PCDH15: variants seen among roughly 807,000 people sequenced by gnomAD.
PCDH15 encodes the protein protocadherin related 15.
A neutral mutation model predicts 178.5 loss-of-function variants in PCDH15; 129 were observed. That is an observed-to-expected ratio of 0.72 (90% CI 0.63 to 0.84). The LOEUF is 0.84. Among genes scored for constraint, PCDH15 ranks in the 40% least tolerant of loss-of-function variants. PCDH15 has a pLI of 0.00. For synonymous variants in PCDH15, 800 were observed against 732.0 expected (o/e 1.09, Z -1.50); for missense variants, 2,230 against 2,099.9 (o/e 1.06, Z -1.21).
At chr10:54,720,472 A>G (rs1357508498) in intron 1 of PCDH15, among the ~76,000 whole-genome samples, 3 of 151,808 alleles carry the variant, frequency 2.0e-5, no homozygotes, top group Non-Finnish European at 4.4e-5. Context: ...TTTCAGCAGA[A>G]AATCTACAAG....
intron 25 of PCDH15, among the ~76,000 whole-genome samples, chr10:53,914,468 C>T (rs1009993903): frequency 6.6e-6 from 1 of 152,134 alleles, no homozygotes; most frequent in African/African-American, 2.4e-5. Context: ...TTTGGAGGGA[C>T]ATGGATGAAG....
chr10:54,421,711 C>A (rs1212527758), intron 3 of PCDH15, among the ~76,000 whole-genome samples: 4 of 121,736 alleles, frequency 3.3e-5, no homozygotes, highest in East Asian at 4.2e-4. Context: ...CACACACACA[C>A]TATATATATT....
intron 2 of PCDH15, among the ~76,000 whole-genome samples, chr10:55,501,705 T>C (rs1265245412): frequency 2.0e-5 from 3 of 151,792 alleles, no homozygotes; most frequent in Non-Finnish European, 2.9e-5. Context: ...GGAGTAGTTA[T>C]GTCATTTGTG....
At chr10:55,519,622 T>G (rs536018507) in intron 2 of PCDH15, among the ~76,000 whole-genome samples, 2 of 152,042 alleles carry the variant, frequency 1.3e-5, no homozygotes, top group African/African-American at 2.4e-5. Flanking sequence ...TTTACAAACA[T>G]ATAATTAACT....
intron 3 of PCDH15, among the ~76,000 whole-genome samples, chr10:54,429,320 G>GA (rs1000427979): frequency 2.2e-4 from 34 of 151,916 alleles, no homozygotes; most frequent in Non-Finnish European, 3.5e-4. Context: ...ACCTCAAATT[G>GA]AAAAAATTAC....
intron 3 of PCDH15, among the ~76,000 whole-genome samples, chr10:54,399,747 A>C (rs1413483361): frequency 1.3e-5 from 2 of 152,052 alleles, no homozygotes; most frequent in Non-Finnish European, 2.9e-5. Context: ...CAGCAGTAAG[A>C]CGCTGGGCTG....
rs1483424961 is a variant in PCDH15, at chr10:54,855,125, C to A, written c.-29+42325G>T. ...CTCGGGCCTGACTTTACTCCAAGAA[C>A]AAAGCAAGTACCAACAGCAGGGAGA... On this transcript the variant is annotated intron_variant, in intron 3 of 5. Coordinates refer to the PCDH15 transcript ENST00000458638. Among the ~76,000 whole-genome samples, 3 of 152,316 alleles carry A rather than the reference C, an allele frequency of 2.0e-5. No homozygotes were observed. The East Asian group carries it at 5.8e-4, about 29-fold the overall frequency.
At chr10:54,293,822 A>G (rs957398742) in intron 8 of PCDH15, among the ~76,000 whole-genome samples, 2 of 152,134 alleles carry the variant, frequency 1.3e-5, no homozygotes, top group Admixed American at 6.5e-5. Context: ...GAAACAACAG[A>G]TGCTGGAGAG....
chr10:55,472,465 CTTTTTT>C (rs71014493), intron 2 of PCDH15, among the ~76,000 whole-genome samples: 1 of 99,768 alleles, frequency 1.0e-5, no homozygotes, highest in Admixed American at 1.1e-4. Context: ...TTTGAATTAG[CTTTTTT>C]TTTTTTTTTT....
chr10:54,582,147 C>G (rs553648948), intron 2 of PCDH15, among the ~76,000 whole-genome samples: 2 of 152,076 alleles, frequency 1.3e-5, no homozygotes, highest in Admixed American at 6.6e-5. Context: ...AAATAGATAA[C>G]CTGCAGAATG....
intron 1 of PCDH15, among the ~76,000 whole-genome samples, chr10:55,179,417 G>C (rs893303945): frequency 1.3e-5 from 2 of 152,038 alleles, no homozygotes; most frequent in African/African-American, 4.8e-5. Flanking sequence ...TGCCAGTTCT[G>C]GATAGAGTCC....
chr10:54,136,714 C>T (rs1422531319), intron 14 of PCDH15, among the ~76,000 whole-genome samples: 2 of 152,084 alleles, frequency 1.3e-5, no homozygotes, highest in African/African-American at 4.8e-5. Flanking sequence ...GAGTCGAAAA[C>T]TTTAAAATGC....
At chr10:53,965,791 C>T (rs1387495247) in intron 21 of PCDH15, among the ~76,000 whole-genome samples, 2 of 152,100 alleles carry the variant, frequency 1.3e-5, no homozygotes, top group Admixed American at 6.6e-5. Flanking sequence ...ACTAAAATTA[C>T]TTATGACAAT....
intron 2 of PCDH15, among the ~76,000 whole-genome samples, chr10:54,931,347 A>G (rs1319239720): frequency 6.6e-6 from 1 of 152,214 alleles, no homozygotes; most frequent in African/African-American, 2.4e-5. Flanking sequence ...TCAAATATGA[A>G]GTTAACCTCT....
chr10:55,052,099 T>C (rs1489868438), intron 2 of PCDH15, among the ~76,000 whole-genome samples: 3 of 152,024 alleles, frequency 2.0e-5, no homozygotes, highest in Admixed American at 6.6e-5. Context: ...GATTTTTTTT[T>C]TTTTTTGAGA....
At position 55,620,611 on chromosome 10, in the gene PCDH15, T is replaced by C. The variant is rs184780906; in HGVS notation, c.-156+7014A>G. 5.6e-3 allele frequency among the ~76,000 whole-genome samples: 853 copies of C among 152,034 alleles called. 6 individuals carry two copies. Among genetic ancestry groups the C allele is most frequent in the Non-Finnish European group, 8.2e-3 (554 of 67,880 alleles). Reference sequence around the variant, plus strand: ...GAAAACAATAATTCTGAGTGGAAATTTGAATATTTGCACCCTAAAAATTTT... The same window carrying C: ...GAAAACAATAATTCTGAGTGGAAATCTGAATATTTGCACCCTAAAAATTTT... On this transcript the variant is annotated intron_variant, in intron 2 of 5. Coordinates refer to the PCDH15 transcript ENST00000613346.
chr10:53,830,211 A>G (rs946740593), intron 30 of PCDH15, among the ~76,000 whole-genome samples: 1 of 151,982 alleles, frequency 6.6e-6, no homozygotes, highest in Non-Finnish European at 1.5e-5. Context: ...CTGACACAGG[A>G]GAACAGCTTG....
At chr10:55,170,337 A>G (rs927515390) in intron 1 of PCDH15, among the ~76,000 whole-genome samples, 3 of 151,760 alleles carry the variant, frequency 2.0e-5, no homozygotes, top group African/African-American at 7.3e-5. Context: ...AATTGCAGAG[A>G]CAAGTCTTGA....
chr10:53,998,554 T>C (rs2091965016), intron 20 of PCDH15, among the ~76,000 whole-genome samples: 2 of 152,100 alleles, frequency 1.3e-5, no homozygotes, highest in South Asian at 4.1e-4. Context: ...TTAATGATCA[T>C]GCTAGGAAGA....
Sources: gnomAD v4.1 joint callset for allele counts (sites outside exome capture counted in the v4.1 genomes callset) on GRCh38, gnomAD v4.1.1 for gene constraint, MANE v1.5 for transcripts, NCBI Gene and HGNC (gene_info 2026-07-23, HGNC 2026-07-21) for gene names.